Variants in NUDCD3 observed in about 807,000 individuals in gnomAD.
The protein encoded by NUDCD3 is nudC domain-containing protein 3.
NUDCD3 carries 13 observed loss-of-function variants against 39.7 expected under a neutral mutation model. The observed-to-expected ratio is 0.33, with a 90% CI of 0.21 to 0.52. NUDCD3 has a LOEUF of 0.52. NUDCD3 is among the 20% of genes least tolerant of loss of function. NUDCD3 has a pLI of 0.96. For missense variants in NUDCD3, 453 were observed against 458.1 expected (o/e 0.99, Z 0.10); for synonymous variants, 175 against 172.4 (o/e 1.02, Z -0.12).
chr7:44,433,549 A>G (rs1799408968), intron 2 of NUDCD3, among the ~76,000 whole-genome samples: 1 of 152,138 alleles, frequency 6.6e-6, no homozygotes, highest in South Asian at 2.1e-4. Context: ...TGTGGTATGC[A>G]TGTATGCACA....
chr7:44,467,816 G>GT lies in NUDCD3; in HGVS notation c.509+17151dup, dbSNP rs1396328242. On this transcript the variant is annotated intron_variant, in intron 2 of 5. Transcript: ENST00000355451. ...ATATAAGAAAAAAACTAAGACCTCA[G>GT]TAAAAAAAAAAAAAAGAAAAGAAAA... 18 of 917,156 alleles carry GT rather than the reference G, an allele frequency of 2.0e-5. No homozygotes were observed. In the Admixed American group the frequency reaches 2.7e-4, roughly 14 times the overall value. The allele number at this position is 917,156 out of a possible 1,614,324, so 56.8% of individuals were successfully genotyped here.
intron 2 of NUDCD3, among the ~76,000 whole-genome samples, chr7:44,467,557 G>C (rs1384293625): frequency 1.3e-5 from 2 of 152,032 alleles, no homozygotes. Flanking sequence ...TTTGATCAAG[G>C]GGCAGGTCAG....
At position 44,404,558 on chromosome 7, in the gene NUDCD3, G is replaced by T. The variant is rs770372752; in HGVS notation, c.668C>A (p.Ser223Tyr). 3 of 1,613,948 alleles carry T rather than the reference G, an allele frequency of 1.9e-6. No homozygotes were observed. Among genetic ancestry groups the T allele is most frequent in the Non-Finnish European group, 2.5e-6 (3 of 1,180,004 alleles). The stretch of plus-strand genomic sequence containing the variant: ...TTCCTCCAGCATGGCCACACGAATG[G>T]AGCTGCTGCTAAGGGCCACTGAGAC... ...KQVSVALSSS[S>Y]IRVAMLEENG... is the part of the protein sequence containing the mutation. The change falls in exon 4 of 6, where the codon TCC (serine) becomes TAC (tyrosine). Residue 223 changes from serine (S) to tyrosine (Y), a missense_variant. Physicochemically the swap from Ser to Tyr is moderately radical, Grantham distance 144. Coordinates refer to ENST00000355451, the MANE Select transcript of NUDCD3 (RefSeq NM_015332.4).
intron 2 of NUDCD3, among the ~76,000 whole-genome samples, chr7:44,431,741 C>T (rs979247381): frequency 1.1e-4 from 16 of 146,912 alleles, no homozygotes; most frequent in Non-Finnish European, 5.9e-5. Flanking sequence ...GCCACGATCT[C>T]GGCTCACTGC....
At chr7:44,432,116 T>TA (rs901563019) in intron 2 of NUDCD3, among the ~76,000 whole-genome samples, 2 of 152,158 alleles carry the variant, frequency 1.3e-5, no homozygotes, top group African/African-American at 4.8e-5. Context: ...GACCCATCTC[T>TA]ACAAAAAATT....
intron 5 of NUDCD3, among the ~76,000 whole-genome samples, chr7:44,388,987 T>C (rs1412020471): frequency 6.6e-6 from 1 of 152,222 alleles, no homozygotes; most frequent in Non-Finnish European, 1.5e-5. Context: ...GGCTCCCCCA[T>C]GCTAGGTCAC....
chr7:44,432,853 C>A (rs1799390528), intron 2 of NUDCD3, among the ~76,000 whole-genome samples: 1 of 152,226 alleles, frequency 6.6e-6, no homozygotes, highest in South Asian at 2.1e-4. Flanking sequence ...ACCTCACTGT[C>A]CCCTCAGGAG....
chr7:44,426,996 C>T (rs188795682), intron 3 of NUDCD3, among the ~76,000 whole-genome samples: 1 of 151,994 alleles, frequency 6.6e-6, no homozygotes, highest in Non-Finnish European at 1.5e-5. Flanking sequence ...TGGCTCATCA[C>T]CATACACGGG....
intron 2 of NUDCD3, among the ~76,000 whole-genome samples, chr7:44,428,572 ATTG>A (rs1306140542): frequency 7.2e-5 from 11 of 152,256 alleles, no homozygotes; most frequent in Admixed American, 7.2e-4. Context: ...TGTATGCATC[ATTG>A]TTAAGACATA....
rs369656388 is a variant in NUDCD3, at chr7:44,397,439, A to G, written c.787-4954T>C. ...ACTCTGCTGCACCCCTACCAGTAGC[A>G]CAGAAGAGCACCAGGTGCCCCATCT... On this transcript the variant is annotated intron_variant, in intron 4 of 5. Coordinates refer to ENST00000355451, the MANE Select transcript of NUDCD3 (RefSeq NM_015332.4). Among the ~76,000 whole-genome samples, 32 of 152,256 alleles carry G rather than the reference A, an allele frequency of 2.1e-4. No individual in the cohort carries two copies. In the East Asian group the frequency reaches 6.2e-3, roughly 29 times the overall value.
intron 5 of NUDCD3, among the ~76,000 whole-genome samples, chr7:44,388,443 A>C (rs1283547587): frequency 2.6e-5 from 4 of 152,246 alleles, no homozygotes; most frequent in Non-Finnish European, 5.9e-5. Flanking sequence ...ACATGAGGGC[A>C]CACACCTACC....
intron 4 of NUDCD3, among the ~76,000 whole-genome samples, chr7:44,392,962 G>A (rs996780321): frequency 6.6e-6 from 1 of 152,096 alleles, no homozygotes; most frequent in African/African-American, 2.4e-5. Flanking sequence ...GATCTCTCTT[G>A]CTTCCAAGAG....
intron 3 of NUDCD3, among the ~76,000 whole-genome samples, chr7:44,417,381 A>G (rs1390701329): frequency 6.6e-6 from 1 of 152,196 alleles, no homozygotes; most frequent in African/African-American, 2.4e-5. Flanking sequence ...CTGAGACACC[A>G]TTTCCAGTGG....
chr7:44,480,685 T>C (rs573077027), intron 2 of NUDCD3, among the ~76,000 whole-genome samples: 2 of 152,214 alleles, frequency 1.3e-5, no homozygotes, highest in South Asian at 2.1e-4. Flanking sequence ...CTCACACCTA[T>C]AATCCCAGCA....
At chr7:44,437,440 A>C (rs1475865825) in intron 2 of NUDCD3, among the ~76,000 whole-genome samples, 3 of 152,076 alleles carry the variant, frequency 2.0e-5, no homozygotes, top group African/African-American at 4.8e-5. Flanking sequence ...AAGTTCGTCT[A>C]TGTTGATGTT....
At chr7:44,404,681 A>G in intron 3 of NUDCD3, 98 bp from the exon 4 acceptor site, 1 of 1,313,216 alleles carries the variant, frequency 7.6e-7, no homozygotes, top group Non-Finnish European at 1.1e-6. Flanking sequence ...ACCTGACTGC[A>G]CACTACAGCG....
intron 2 of NUDCD3, among the ~76,000 whole-genome samples, chr7:44,428,123 T>TAAAAAA (rs55642004): frequency 1.3e-5 from 1 of 76,102 alleles, no homozygotes; most frequent in African/African-American, 5.2e-5. Flanking sequence ...GGTCAATCTT[T>TAAAAAA]AAAAAAAAAA....
At chr7:44,389,035 C>T (rs369283000) in intron 5 of NUDCD3, among the ~76,000 whole-genome samples, 20 of 152,230 alleles carry the variant, frequency 1.3e-4, no homozygotes, top group Non-Finnish European at 2.5e-4. Flanking sequence ...TTCTGTTCCA[C>T]GCCTGGGCTA....
chr7:44,389,851 G>C (rs532666075), intron 5 of NUDCD3, among the ~76,000 whole-genome samples: 1 of 152,126 alleles, frequency 6.6e-6, no homozygotes, highest in African/African-American at 2.4e-5. Context: ...AGGAGGGAAG[G>C]GGAGGGGCAA....
Sources: allele counts gnomAD v4.1 joint callset (sites outside exome capture counted in the v4.1 genomes callset), GRCh38; gene constraint gnomAD v4.1.1; transcripts MANE v1.5; gene names NCBI Gene and HGNC (gene_info 2026-07-23, HGNC 2026-07-21).